Variants in IL1RAPL2 observed in about 807,000 individuals in gnomAD.
The protein encoded by IL1RAPL2 is interleukin 1 receptor accessory protein like 2.
In IL1RAPL2, 3 loss-of-function variants were observed where a neutral mutation model predicts 44.1. The observed-to-expected ratio is 0.07, with a 90% CI of 0.03 to 0.18. IL1RAPL2 has a LOEUF of 0.18. IL1RAPL2 is among the 10% of genes least tolerant of loss of function. The probability of loss-of-function intolerance (pLI) is 1.00; values close to 1 mark genes in which losing one functional copy is unlikely to be tolerated. For synonymous variants in IL1RAPL2, 181 were observed against 178.8 expected, an observed-to-expected ratio of 1.01 and a Z score of -0.10; for missense variants, 391 against 496.4, an observed-to-expected ratio of 0.79 and a Z score of 2.02.
chrX:105,109,123 T>C (rs2032776124), intron 2 of IL1RAPL2, among the ~76,000 whole-genome samples: 1 of 112,164 alleles, frequency 8.9e-6, no homozygotes, highest in Non-Finnish European at 1.9e-5. Flanking sequence ...AGTCTACCTG[T>C]TTTGTGTTCC....
intron 1 of IL1RAPL2, among the ~76,000 whole-genome samples, chrX:104,587,493 G>A (rs1185651369): frequency 8.9e-6 from 1 of 111,734 alleles, no homozygotes; most frequent in Non-Finnish European, 1.9e-5. Flanking sequence ...TTTAGTTCTG[G>A]AAGTGGGGGC....
intron 2 of IL1RAPL2, among the ~76,000 whole-genome samples, chrX:104,695,758 A>G (rs901763665): frequency 3.6e-5 from 4 of 111,541 alleles, no homozygotes; most frequent in Non-Finnish European, 7.5e-5. Context: ...TCTGTACAGT[A>G]TTAACTCATT....
intron 1 of IL1RAPL2, among the ~76,000 whole-genome samples, chrX:104,583,726 T>C (rs1226385906): frequency 5.4e-5 from 6 of 111,837 alleles, no homozygotes; most frequent in Admixed American, 9.6e-5. Flanking sequence ...CTAATTAGCA[T>C]GCACATCACT....
At chrX:104,855,755 G>A (rs1049411601) in intron 2 of IL1RAPL2, among the ~76,000 whole-genome samples, 2 of 99,992 alleles carry the variant, frequency 2.0e-5, no homozygotes, top group Non-Finnish European at 4.0e-5. Flanking sequence ...GCCTCGACCT[G>A]CTGGACCCAA....
chrX:104,800,876 C>T (rs760272036), intron 2 of IL1RAPL2, among the ~76,000 whole-genome samples: 9 of 111,961 alleles, frequency 8.0e-5, no homozygotes, highest in Non-Finnish European at 1.3e-4. Flanking sequence ...GGGCTGGCTG[C>T]TGTAGTGGGG....
chrX:104,691,187 G>A (rs1931086165), intron 2 of IL1RAPL2, among the ~76,000 whole-genome samples: 1 of 112,185 alleles, frequency 8.9e-6, no homozygotes, highest in Admixed American at 9.4e-5. Context: ...CTCTGCAATG[G>A]TTACCATGTG....
chrX:105,659,814 C>T (rs1037374001), intron 6 of IL1RAPL2, among the ~76,000 whole-genome samples: 2 of 108,438 alleles, frequency 1.8e-5, no homozygotes, highest in East Asian at 2.9e-4. Flanking sequence ...ACAGGCTATT[C>T]GAAAATAAAT....
intron 5 of IL1RAPL2, among the ~76,000 whole-genome samples, chrX:105,476,296 A>G (rs1292947151): frequency 8.9e-6 from 1 of 112,840 alleles, no homozygotes; most frequent in African/African-American, 3.2e-5. Context: ...TTTGACTCTC[A>G]GCAGTTCTCA....
intron 6 of IL1RAPL2, among the ~76,000 whole-genome samples, chrX:105,604,426 A>G (rs772936107): frequency 7.2e-5 from 8 of 110,930 alleles, no homozygotes; most frequent in Non-Finnish European, 1.1e-4. Context: ...CTGGACACAT[A>G]CAACATACTA....
At chrX:104,776,964 C>T (rs1252246983) in intron 2 of IL1RAPL2, among the ~76,000 whole-genome samples, 4 of 111,619 alleles carry the variant, frequency 3.6e-5, no homozygotes, top group East Asian at 2.8e-4. Flanking sequence ...ACCATCGTGT[C>T]TATGTAGGAT....
intron 2 of IL1RAPL2, among the ~76,000 whole-genome samples, chrX:105,124,640 C>T (rs777738878): frequency 9.9e-5 from 11 of 110,593 alleles, no homozygotes; most frequent in African/African-American, 3.6e-4. Context: ...GACATTCTTG[C>T]ATGTTCAATC....
chrX:105,600,322 G>C lies in IL1RAPL2; in HGVS notation c.772+115935G>C, dbSNP rs545437371. Reference sequence around the variant, plus strand: ...TTTCTAATTTAGCTACTGAGAAGTAGAATTGCTGAATTTTATAGGATATGA... The same window carrying C: ...TTTCTAATTTAGCTACTGAGAAGTACAATTGCTGAATTTTATAGGATATGA... On this transcript the variant is annotated intron_variant, in intron 6 of 10. Transcript: ENST00000372582. 1.4e-4 allele frequency among the ~76,000 whole-genome samples: 15 copies of C among 110,012 alleles called. 1 individual carries two copies. The highest frequency in any genetic ancestry group is 4.3e-4 in the African/African-American group (13 of 30,423).
At chrX:105,060,585 C>CTTTTTTTTTTTTTT (rs1161187469) in intron 2 of IL1RAPL2, among the ~76,000 whole-genome samples, 4 of 70,158 alleles carry the variant, frequency 5.7e-5, no homozygotes, top group African/African-American at 1.2e-4. Context: ...TTTTCTTTTT[C>CTTTTTTTTTTTTTT]TTTTTTTTTT....
At chrX:105,091,697 T>C (rs2032544684) in intron 2 of IL1RAPL2, among the ~76,000 whole-genome samples, 1 of 111,914 alleles carries the variant, frequency 8.9e-6, no homozygotes, top group Non-Finnish European at 1.9e-5. Flanking sequence ...AATTTTAATT[T>C]TGTATTTTGA....
intron 5 of IL1RAPL2, among the ~76,000 whole-genome samples, chrX:105,397,881 T>C (rs1456871044): frequency 9.1e-6 from 1 of 109,497 alleles, no homozygotes. Context: ...CCACTTACTC[T>C]TTTTTTTTCC....
rs149546980 is a variant in IL1RAPL2, at chrX:105,417,911, C to G, written c.698-66402C>G. 1.9e-3 allele frequency among the ~76,000 whole-genome samples: 215 copies of G among 111,490 alleles called. 3 individuals are homozygous for G. The East Asian group carries it at 0.046, about 24-fold the overall frequency. Reference sequence around the variant, plus strand: ...TCATAATTTCTTCTGCTGAGAATACCCTTTCCTCTTTTTCCACTTATGAAC... The same window carrying G: ...TCATAATTTCTTCTGCTGAGAATACGCTTTCCTCTTTTTCCACTTATGAAC... On this transcript the variant is annotated intron_variant, in intron 5 of 10. Coordinates refer to ENST00000372582, the MANE Select transcript of IL1RAPL2 (RefSeq NM_017416.2).
chrX:104,860,846 T>C (rs1246445897), intron 2 of IL1RAPL2, among the ~76,000 whole-genome samples: 1 of 111,204 alleles, frequency 9.0e-6, no homozygotes, highest in Non-Finnish European at 1.9e-5. Flanking sequence ...GAATCCAGGA[T>C]TGTAATAATG....
chrX:105,142,632 TTTATTA>T (rs1443610601), intron 2 of IL1RAPL2, among the ~76,000 whole-genome samples: 1 of 110,608 alleles, frequency 9.0e-6, no homozygotes, highest in Non-Finnish European at 1.9e-5. Flanking sequence ...TTTTTTTTCT[TTTATTA>T]TTATTATACT....
At chrX:105,691,045 A>G (rs1259158421) in intron 6 of IL1RAPL2, among the ~76,000 whole-genome samples, 1 of 111,320 alleles carries the variant, frequency 9.0e-6, no homozygotes, top group African/African-American at 3.3e-5. Flanking sequence ...GGCCCCACCC[A>G]TATGACCTTA....
Sources: allele counts gnomAD v4.1 joint callset (sites outside exome capture counted in the v4.1 genomes callset), GRCh38; gene constraint gnomAD v4.1.1; transcripts MANE v1.5; gene names NCBI Gene and HGNC (gene_info 2026-07-23, HGNC 2026-07-21).